Variants in COPA observed in about 807,000 individuals in gnomAD.
The protein encoded by COPA is coat protein complex I subunit alpha, also known as coatomer subunit alpha.
A neutral mutation model predicts 158.7 loss-of-function variants in COPA; 10 were observed. The observed-to-expected ratio is 0.06, with a 90% CI of 0.04 to 0.11. The LOEUF (loss-of-function observed/expected upper bound fraction) is 0.11. COPA is among the 10% of genes least tolerant of loss of function. COPA has a pLI of 1.00. For missense variants in COPA, 1,065 were observed against 1,536.7 expected, an observed-to-expected ratio of 0.69 and a Z score of 5.13; for synonymous variants, 462 against 542.8, an observed-to-expected ratio of 0.85 and a Z score of 2.07.
At chr1:160,330,910 G>C (rs1039346305) in intron 6 of COPA, among the ~76,000 whole-genome samples, 2 of 151,686 alleles carry the variant, frequency 1.3e-5, no homozygotes, top group African/African-American at 4.8e-5. Context: ...ATGGTGGCTC[G>C]CGCCTATAAT....
chr1:160,332,650 T>C, intron 5 of COPA, 93 bp from the exon 6 acceptor site: 4 of 856,352 alleles, frequency 4.7e-6, no homozygotes, highest in Non-Finnish European at 7.0e-6. Flanking sequence ...TAAATGCTTA[T>C]CCAGTTTTAC....
Position 160,323,369 on chromosome 1 carries a change from C to T in COPA, c.706+62G>A, listed in dbSNP as rs146167302. ...ATAGGTCAGAGTCCAGAAGACCTGGCTACTTTACCTTGCTGGCTGGCAGTT... is the reference window on the plus strand; with the variant it reads ...ATAGGTCAGAGTCCAGAAGACCTGGTTACTTTACCTTGCTGGCTGGCAGTT... On this transcript the variant is annotated intron_variant, in intron 8 of 32. Transcript: ENST00000241704. 1.4e-4 allele frequency: 195 copies of T among 1,390,758 alleles called. 2 individuals are homozygous for T. In the East Asian group the frequency reaches 2.6e-3, roughly 19 times the overall value. The allele number at this position is 1,390,758 out of a possible 1,614,324, so 86.2% of individuals were successfully genotyped here. A position where few individuals can be genotyped will look rare whatever the true frequency, so the allele number is the denominator to read the frequency against.
intron 9 of COPA, among the ~76,000 whole-genome samples, chr1:160,313,590 A>G (rs973980185): frequency 2.0e-5 from 3 of 151,630 alleles, no homozygotes; most frequent in Admixed American, 6.6e-5. Flanking sequence ...AATTTTTTGT[A>G]TTTTTAGTAG....
chr1:160,298,578 C>T (rs1658491324), intron 19 of COPA, among the ~76,000 whole-genome samples: 1 of 152,194 alleles, frequency 6.6e-6, no homozygotes, highest in East Asian at 1.9e-4. Flanking sequence ...TTTTCAAATT[C>T]CATGCCATCT....
intron 8 of COPA, chr1:160,317,486 A>G: frequency 6.2e-7 from 1 of 1,609,480 alleles, no homozygotes; most frequent in Non-Finnish European, 8.5e-7. Context: ...GTCATTGGAC[A>G]GGATAGCAGT....
At chr1:160,309,258 C>T in intron 12 of COPA, 82 bp from the exon 13 acceptor site, 3 of 1,019,336 alleles carry the variant, frequency 2.9e-6, no homozygotes, top group Non-Finnish European at 4.6e-6. Context: ...ACAGAGAAAA[C>T]AGTTCCATTG....
rs1173027613 is a variant in COPA, at chr1:160,295,791, A to G, written c.2421T>C (p.Asn807=). Residue 807 remains asparagine (N), a synonymous_variant, in exon 23 of 33, where the codon AAT becomes AAC. Transcript: ENST00000241704. ...CTTTGGATACAGTCAATAAAGGCCA[A>G]TTGGTATCCAATGGCATGATAGGTG... The part of the protein sequence containing the change: ...PPAPIMPLDT[N]WPLLTVSKGF... 12 of 1,613,334 alleles carry G rather than the reference A, an allele frequency of 7.4e-6. No individual in the cohort carries two copies. The highest frequency in any genetic ancestry group is 2.2e-5 in the East Asian group (1 of 44,892).
At chr1:160,324,988 C>T (rs986799365) in intron 7 of COPA, among the ~76,000 whole-genome samples, 3 of 151,486 alleles carry the variant, frequency 2.0e-5, no homozygotes, top group Admixed American at 6.6e-5. Context: ...GGAGTCAGAT[C>T]GAAATTCAAA....
intron 13 of COPA, among the ~76,000 whole-genome samples, 158 bp from the exon 14 acceptor site, chr1:160,307,403 G>T (rs1373091445): frequency 6.6e-6 from 1 of 152,176 alleles, no homozygotes; most frequent in Non-Finnish European, 1.5e-5. Flanking sequence ...GGCTATTATT[G>T]AGTGACTTTT....
At chr1:160,318,493 A>AAAAAAAAAAAAAAAAAAAAC (rs1659229783) in intron 8 of COPA, among the ~76,000 whole-genome samples, 2 of 40,434 alleles carry the variant, frequency 4.9e-5, no homozygotes, top group East Asian at 5.1e-4. Context: ...AAAAAAAAAC[A>AAAAAAAAAAAAAAAAAAAAC]AAAAAAAAAA....
At chr1:160,321,384 G>T (rs1455568590) in intron 8 of COPA, among the ~76,000 whole-genome samples, 2 of 152,134 alleles carry the variant, frequency 1.3e-5, no homozygotes, top group Non-Finnish European at 2.9e-5. Context: ...AAACAAATTG[G>T]AAAAATTACC....
intron 4 of COPA, among the ~76,000 whole-genome samples, chr1:160,334,589 A>C (rs1401675885): frequency 6.6e-6 from 1 of 152,220 alleles, no homozygotes; most frequent in African/African-American, 2.4e-5. Context: ...TGTTTATTTC[A>C]TCATATTCTT....
intron 4 of COPA, among the ~76,000 whole-genome samples, chr1:160,334,237 T>A (rs745567254): frequency 6.6e-6 from 1 of 152,216 alleles, no homozygotes; most frequent in African/African-American, 2.4e-5. Context: ...AAGCTTTGTG[T>A]TAAACACTGA....
chr1:160,292,671 T>C (rs1316342257), intron 27 of COPA, 51 bp from the exon 28 acceptor site: 2 of 1,476,976 alleles, frequency 1.4e-6, no homozygotes, highest in Admixed American at 2.2e-5. Context: ...CATAAAAAGC[T>C]ACTTTTCCTT....
chr1:160,325,744 GAAAAGA>G lies in COPA; in HGVS notation c.497-98_497-93del, dbSNP rs939556540. On this transcript the variant is annotated intron_variant, in intron 6 of 32. Coordinates refer to ENST00000241704, the MANE Select transcript of COPA (RefSeq NM_004371.4). ...GAAACACAGAAATTACAGTGAAAAA[GAAAAGA>G]AAAAGAAATGGAAAAGACTGAAGAA... The G allele has an allele frequency of 1.9e-4, 169 of 897,250 alleles. No individual in the cohort carries two copies. In the African/African-American group the frequency reaches 2.7e-3, roughly 14 times the overall value. 55.6% of individuals were successfully genotyped at this position (897,250 alleles called of 1,614,324 possible).
intron 5 of COPA, among the ~76,000 whole-genome samples, chr1:160,333,144 G>A (rs1050381643): frequency 6.6e-6 from 1 of 152,122 alleles, no homozygotes; most frequent in Non-Finnish European, 1.5e-5. Context: ...GGCTGGTCTC[G>A]AACTTCTAAC....
chr1:160,294,268 C>T (rs1195588840), intron 25 of COPA, among the ~76,000 whole-genome samples: 2 of 152,208 alleles, frequency 1.3e-5, no homozygotes, highest in Non-Finnish European at 2.9e-5. Flanking sequence ...GCTGGGATTA[C>T]AGGCATGAGT....
intron 10 of COPA, 103 bp downstream of exon 10, chr1:160,312,982 T>C: frequency 9.7e-7 from 1 of 1,035,836 alleles, no homozygotes; most frequent in Non-Finnish European, 1.4e-6. Context: ...CTTCTTCTTC[T>C]TGTCATCCTA....
intron 11 of COPA, among the ~76,000 whole-genome samples, chr1:160,310,873 A>G (rs1262328886): frequency 6.6e-6 from 1 of 152,064 alleles, no homozygotes; most frequent in African/African-American, 2.4e-5. Context: ...GGCAAGGGAG[A>G]GTTAAAGAAA....
Sources: gnomAD v4.1 joint callset for allele counts (sites outside exome capture counted in the v4.1 genomes callset) on GRCh38, gnomAD v4.1.1 for gene constraint, MANE v1.5 for transcripts, NCBI Gene and HGNC (gene_info 2026-07-23, HGNC 2026-07-21) for gene names.